GNA14: variants seen among roughly 807,000 people sequenced by gnomAD.
GNA14 encodes G protein subunit alpha 14, also known as guanine nucleotide-binding protein subunit alpha-14.
Under a neutral mutation model 42.0 loss-of-function variants are expected in GNA14, and 50 were observed. The observed-to-expected ratio is 1.19, with a 90% CI of 0.95 to 1.51. The LOEUF (loss-of-function observed/expected upper bound fraction) is 1.51, where lower values mean the gene tolerates loss of function less well. Among genes scored for constraint, GNA14 ranks in the 40% most tolerant of loss-of-function variants. The pLI is 0.00. For missense variants in GNA14, 473 were observed against 446.2 expected (o/e 1.06, Z -0.54); for synonymous variants, 173 against 163.1 (o/e 1.06, Z -0.46).
rs1294977077 is a variant in GNA14 at position 77,431,203 on chromosome 9, AGG to A, written c.593+116_593+117del. ...ACAATTCTAAATACCCTTGGCAGAG[AGG>A]GTCACTCTGTCCTAAGAGATATAAT... On this transcript the variant is annotated intron_variant, in intron 4 of 6. Coordinates refer to ENST00000341700, the MANE Select transcript of GNA14 (RefSeq NM_004297.4). The A allele has an allele frequency of 8.1e-5, 71 of 872,242 alleles. No homozygotes were observed. The Admixed American group carries it at 8.3e-4, about 10-fold the overall frequency. The allele number at this position is 872,242 out of a possible 1,614,324, so 54.0% of individuals were successfully genotyped here. A position where few individuals can be genotyped will look rare whatever the true frequency, so the allele number is the denominator to read the frequency against.
At chr9:77,428,820 G>A in intron 5 of GNA14, 87 bp downstream of exon 5, 1 of 1,312,316 alleles carries the variant, frequency 7.6e-7, no homozygotes, top group Non-Finnish European at 1.1e-6. Context: ...TAATGACGAG[G>A]GTCTATTTCC....
At chr9:77,637,407 G>A (rs992552924) in intron 1 of GNA14, among the ~76,000 whole-genome samples, 1 of 152,164 alleles carries the variant, frequency 6.6e-6, no homozygotes, top group African/African-American at 2.4e-5. Flanking sequence ...AGTGGCCATT[G>A]AGAAGATGTT....
intron 1 of GNA14, among the ~76,000 whole-genome samples, chr9:77,626,331 GAC>G (rs772168200): frequency 1.5e-3 from 232 of 152,260 alleles, no homozygotes; most frequent in African/African-American, 4.4e-3. Flanking sequence ...AGATCAATGA[GAC>G]AGAAAATTAA....
chr9:77,447,011 T>C (rs1319020130), intron 2 of GNA14, among the ~76,000 whole-genome samples: 1 of 151,858 alleles, frequency 6.6e-6, no homozygotes, highest in Non-Finnish European at 1.5e-5. Context: ...TTGCCCAGGC[T>C]GGAGTGCAAT....
chr9:77,593,723 G>A (rs1042848441), intron 1 of GNA14, among the ~76,000 whole-genome samples: 1 of 152,212 alleles, frequency 6.6e-6, no homozygotes, highest in Non-Finnish European at 1.5e-5. Flanking sequence ...GATCAGGGCT[G>A]TCACAACACA....
At chr9:77,623,527 T>A (rs191029033) in intron 1 of GNA14, among the ~76,000 whole-genome samples, 1 of 152,264 alleles carries the variant, frequency 6.6e-6, no homozygotes, top group Admixed American at 6.5e-5. Flanking sequence ...CCCAGTGAGA[T>A]CAATGCAGAA....
intron 1 of GNA14, among the ~76,000 whole-genome samples, chr9:77,601,027 G>A (rs1023917325): frequency 3.3e-5 from 5 of 152,222 alleles, no homozygotes; most frequent in African/African-American, 1.2e-4. Flanking sequence ...TGCGCACTGG[G>A]AAAAAAGAAG....
intron 2 of GNA14, among the ~76,000 whole-genome samples, chr9:77,452,579 T>TG (rs1417053231): frequency 9.3e-3 from 28 of 3,012 alleles, no homozygotes; most frequent in Middle Eastern, 0.5. Flanking sequence ...TGTATGTGCA[T>TG]GTGTATGTGT....
chr9:77,553,664 A>T (rs539504762), intron 1 of GNA14, among the ~76,000 whole-genome samples: 1 of 152,204 alleles, frequency 6.6e-6, no homozygotes, highest in African/African-American at 2.4e-5. Context: ...GGCATATGAG[A>T]AAACAGACAC....
At position 77,423,985 on chromosome 9, in the gene GNA14, A is replaced by C; in HGVS notation, c.1062T>G (p.Leu354=). Residue 354 remains leucine, a synonymous_variant, in exon 7 of 7, where the codon CTT becomes CTG. Coordinates refer to ENST00000341700, the MANE Select transcript of GNA14 (RefSeq NM_004297.4). ...GAGGAGTGGGCAGCAGCTTTTAGAC[A>C]AGGTTGAATTCCCTTAGGTTTAGCT... ...ILQLNLREFN[L]V 6.3e-7 allele frequency: 1 copy of C among 1,582,602 alleles called. No homozygotes were observed. The highest frequency in any genetic ancestry group is 8.6e-7 in the Non-Finnish European group (1 of 1,161,350).
chr9:77,637,717 G>A (rs539735455), intron 1 of GNA14, among the ~76,000 whole-genome samples: 2 of 152,276 alleles, frequency 1.3e-5, no homozygotes, highest in East Asian at 1.9e-4. Context: ...CTAGCCGGGT[G>A]TGGTAGCATG....
intron 2 of GNA14, among the ~76,000 whole-genome samples, chr9:77,464,204 T>G (rs1836170311): frequency 6.6e-6 from 1 of 152,194 alleles, no homozygotes; most frequent in Non-Finnish European, 1.5e-5. Context: ...TCTTGCCATG[T>G]TGTCCAAGCT....
chr9:77,537,633 T>C lies in GNA14; in HGVS notation c.125-8380A>G, dbSNP rs76259128. Reference sequence around the variant, plus strand: ...TTGCTGGATTGTATGGTAATCTATTTTGAGTTGTTGGAGAATTCTCCATAC... The same window carrying C: ...TTGCTGGATTGTATGGTAATCTATTCTGAGTTGTTGGAGAATTCTCCATAC... On this transcript the variant is annotated intron_variant, in intron 1 of 6. Coordinates refer to ENST00000341700, the MANE Select transcript of GNA14 (RefSeq NM_004297.4). Among the ~76,000 whole-genome samples the C allele has an allele frequency of 5.3e-4, 81 of 152,358 alleles. No homozygotes were observed. The East Asian group carries it at 0.014, about 27-fold the overall frequency.
intron 1 of GNA14, among the ~76,000 whole-genome samples, chr9:77,552,022 C>T (rs972091224): frequency 6.6e-6 from 1 of 150,884 alleles, no homozygotes; most frequent in Admixed American, 6.6e-5. Context: ...CACTGGTAAT[C>T]CCAGCTATTT....
intron 1 of GNA14, among the ~76,000 whole-genome samples, chr9:77,630,112 GTTTT>G (rs138576637): frequency 4.3e-5 from 6 of 139,798 alleles, no homozygotes; most frequent in Admixed American, 1.4e-4. Context: ...TTTGTTTTTT[GTTTT>G]TTTTTTTTTT....
Position 77,459,678 on chromosome 9 carries a change from G to A in GNA14, c.310-25156C>T, listed in dbSNP as rs566083756. On this transcript the variant is annotated intron_variant, in intron 2 of 6. Transcript: ENST00000341700. ...AATTTCTGCTACTTATAAGCTATTAGCAATGCCTGATCCCTCAACAATTTC... is the reference window on the plus strand; with the variant it reads ...AATTTCTGCTACTTATAAGCTATTAACAATGCCTGATCCCTCAACAATTTC... Among the ~76,000 whole-genome samples, 47 of 152,234 alleles carry A rather than the reference G, an allele frequency of 3.1e-4. 1 individual carries two copies. The East Asian group carries it at 7.5e-3, about 24-fold the overall frequency.
chr9:77,502,005 C>G (rs1836983861), intron 2 of GNA14, among the ~76,000 whole-genome samples: 1 of 152,150 alleles, frequency 6.6e-6, no homozygotes, highest in African/African-American at 2.4e-5. Flanking sequence ...CCGTGCCCAG[C>G]CCAGATTGGA....
chr9:77,478,241 T>C (rs1199910660), intron 2 of GNA14, among the ~76,000 whole-genome samples: 1 of 148,396 alleles, frequency 6.7e-6, no homozygotes, highest in South Asian at 2.2e-4. Flanking sequence ...TGTGTTCGCA[T>C]TGTTCAATTC....
chr9:77,641,126 A>G (rs1587858293), intron 1 of GNA14, among the ~76,000 whole-genome samples: 1 of 58,300 alleles, frequency 1.7e-5, no homozygotes, highest in African/African-American at 1.1e-4. Context: ...GGAAGGAAGG[A>G]AGGAAGGAAG....
Sources: gnomAD v4.1 joint callset for allele counts (sites outside exome capture counted in the v4.1 genomes callset) on GRCh38, gnomAD v4.1.1 for gene constraint, MANE v1.5 for transcripts, NCBI Gene and HGNC (gene_info 2026-07-23, HGNC 2026-07-21) for gene names.